SIL1: variants seen among roughly 807,000 people sequenced by gnomAD.
SIL1 encodes the protein SIL1 nucleotide exchange factor.
In SIL1, 40 loss-of-function variants were observed where a neutral mutation model predicts 49.1. The ratio of observed to expected loss-of-function variants is 0.81; its 90% CI spans 0.63 to 1.06. The LOEUF (loss-of-function observed/expected upper bound fraction) is 1.06. Among genes scored for constraint, SIL1 ranks in the 50% least tolerant of loss-of-function variants. The probability of loss-of-function intolerance (pLI) is 0.00; values close to 1 mark genes in which losing one functional copy is unlikely to be tolerated. For missense variants in SIL1, 500 were observed against 572.6 expected (o/e 0.87, Z 1.29); for synonymous variants, 253 against 250.8 (o/e 1.01, Z -0.08).
At chr5:139,173,790 CAAA>C (rs70982756) in intron 1 of SIL1, among the ~76,000 whole-genome samples, 5 of 106,364 alleles carry the variant, frequency 4.7e-5, no homozygotes, top group South Asian at 3.2e-4. Flanking sequence ...ACTAAAAATA[CAAA>C]AAAAAAAAAA....
At chr5:138,976,202 C>G (rs534225582) in intron 7 of SIL1, among the ~76,000 whole-genome samples, 1 of 152,286 alleles carries the variant, frequency 6.6e-6, no homozygotes, top group South Asian at 2.1e-4. Context: ...TCACGATGCC[C>G]ATACCTCTGC....
intron 3 of SIL1, among the ~76,000 whole-genome samples, chr5:139,102,774 G>A (rs1402841939): frequency 6.6e-6 from 1 of 151,142 alleles, no homozygotes; most frequent in Non-Finnish European, 1.5e-5. Flanking sequence ...GAGTGCAATG[G>A]TGCAATCTCA....
chr5:139,078,290 A>AT (rs1283307194), intron 3 of SIL1, among the ~76,000 whole-genome samples: 1 of 152,074 alleles, frequency 6.6e-6, no homozygotes, highest in Non-Finnish European at 1.5e-5. Flanking sequence ...CCAAAAAAAA[A>AT]TTTTTTAAGT....
intron 1 of SIL1, among the ~76,000 whole-genome samples, chr5:139,143,121 A>G (rs1269387832): frequency 6.6e-6 from 1 of 151,904 alleles, no homozygotes; most frequent in Non-Finnish European, 1.5e-5. Flanking sequence ...AGCCAGAGCA[A>G]TTAGGCAAGA....
rs141819993 is a variant in SIL1, at chr5:139,188,756, C to T, written c.-11+9513G>A. 4.4e-3 allele frequency among the ~76,000 whole-genome samples: 664 copies of T among 152,324 alleles called. 4 individuals carry two copies. Among genetic ancestry groups the T allele is most frequent in the Non-Finnish European group, 6.7e-3 (454 of 68,028 alleles). On this transcript the variant is annotated intron_variant, in intron 1 of 9. Transcript: ENST00000394817. ...TCATGTCTGGCTGAAGAGCAGAAAG[C>T]AAGAGATAAGGAGAACATACTATCT...
intron 7 of SIL1, among the ~76,000 whole-genome samples, chr5:139,015,938 G>A (rs765733633): frequency 1.3e-5 from 2 of 152,096 alleles, no homozygotes; most frequent in African/African-American, 2.4e-5. Flanking sequence ...TGAAAAAGGG[G>A]GAGGCCAGGC....
At chr5:139,164,826 G>A (rs187470145) in intron 1 of SIL1, among the ~76,000 whole-genome samples, 1 of 152,298 alleles carries the variant, frequency 6.6e-6, no homozygotes, top group East Asian at 1.9e-4. Flanking sequence ...AAGGTCTGGG[G>A]AGTCATGTCC....
chr5:139,063,135 C>A (rs1258733206), intron 3 of SIL1, among the ~76,000 whole-genome samples: 1 of 152,196 alleles, frequency 6.6e-6, no homozygotes, highest in Non-Finnish European at 1.5e-5. Flanking sequence ...ACATAATAAA[C>A]CCTGACCCAG....
At chr5:139,010,536 G>A (rs1386490279) in intron 7 of SIL1, among the ~76,000 whole-genome samples, 5 of 152,082 alleles carry the variant, frequency 3.3e-5, no homozygotes, top group Non-Finnish European at 4.4e-5. Flanking sequence ...GAGGAGAGGC[G>A]CTCTGATTTT....
chr5:139,110,289 G>A (rs1360558860), intron 3 of SIL1, among the ~76,000 whole-genome samples: 2 of 151,928 alleles, frequency 1.3e-5, no homozygotes, highest in Admixed American at 1.3e-4. Flanking sequence ...AGCAGGGGTC[G>A]TTTCTTTTTT....
chr5:139,185,755 ATGGGGATAT>A (rs1752067494), intron 1 of SIL1, among the ~76,000 whole-genome samples: 1 of 152,094 alleles, frequency 6.6e-6, no homozygotes, highest in South Asian at 2.1e-4. Context: ...TCTACTGGAG[ATGGGGATAT>A]CATTTGTGGC....
chr5:139,144,941 G>A (rs995580601), intron 1 of SIL1, among the ~76,000 whole-genome samples: 4 of 151,878 alleles, frequency 2.6e-5, no homozygotes, highest in Admixed American at 1.3e-4. Context: ...CCTTGGATTC[G>A]GCAATGATTT....
intron 3 of SIL1, among the ~76,000 whole-genome samples, chr5:139,083,952 G>A (rs1770151140): frequency 9.9e-6 from 1 of 101,044 alleles, no homozygotes; most frequent in East Asian, 2.9e-4. Context: ...TTTCCCCATT[G>A]CTTGTTTTTC....
chr5:139,071,398 A>T (rs1374204620), intron 3 of SIL1, among the ~76,000 whole-genome samples: 1 of 152,036 alleles, frequency 6.6e-6, no homozygotes, highest in Non-Finnish European at 1.5e-5. Flanking sequence ...TAGGAGGGAA[A>T]TATTACAGTT....
chr5:139,026,332 T>C (rs1581039984), intron 6 of SIL1, among the ~76,000 whole-genome samples: 1 of 152,164 alleles, frequency 6.6e-6, no homozygotes, highest in South Asian at 2.1e-4. Context: ...CCAGGCATGG[T>C]GGCTCAAGCC....
At chr5:139,115,147 G>T (rs75103950) in intron 3 of SIL1, among the ~76,000 whole-genome samples, 1 of 152,062 alleles carries the variant, frequency 6.6e-6, no homozygotes, top group Non-Finnish European at 1.5e-5. Context: ...GGGAGGGAGG[G>T]AGGGTCACCT....
At chr5:139,094,453 C>G (rs1269564389) in intron 3 of SIL1, among the ~76,000 whole-genome samples, 1 of 152,114 alleles carries the variant, frequency 6.6e-6, no homozygotes, top group South Asian at 2.1e-4. Context: ...TAAGTAAAAT[C>G]TATAGATTAA....
Position 138,997,956 on chromosome 5 carries a change from C to T in SIL1, c.767+23215G>A, listed in dbSNP as rs778070437. Among the ~76,000 whole-genome samples the T allele has an allele frequency of 1.4e-3, 207 of 152,268 alleles. 1 individual carries two copies. Among genetic ancestry groups the T allele is most frequent in the Non-Finnish European group, 2.6e-3 (176 of 68,018 alleles). ...GGCTATCTGGGGTCTTTTGTAGTTC[C>T]ATGTAAATTTTAGAATCGTCTCTTT... On this transcript the variant is annotated intron_variant, in intron 7 of 9. Coordinates refer to ENST00000394817, the MANE Select transcript of SIL1 (RefSeq NM_022464.5).
In SIL1 at chr5:138,947,300, CA is replaced by C; in HGVS notation, c.1202del (p.Leu401ArgfsTer5). ...CCCGGCAGGTGGTCAGGAGGACGCC[CA>C]GTGTCTGCAGCACCTTCTCACGGGC... is the stretch of plus-strand genomic sequence containing the variant. ...HDAREKVLQT[L>X]GVLLTTCRDR... On this transcript the variant is annotated frameshift_variant, in exon 10 of 10. Coordinates refer to ENST00000394817, the MANE Select transcript of SIL1 (RefSeq NM_022464.5). LOFTEE classifies it high-confidence loss of function. This position sits in a 1 kb window ranked among gnomAD's most constrained non-coding sequence, Gnocchi z 4.1. 6.2e-7 allele frequency: 1 copy of C among 1,613,536 alleles called. No individual in the cohort carries two copies. Among genetic ancestry groups the C allele is most frequent in the Non-Finnish European group, 8.5e-7 (1 of 1,180,022 alleles).
Sources: allele counts gnomAD v4.1 joint callset (sites outside exome capture counted in the v4.1 genomes callset), GRCh38; gene constraint gnomAD v4.1.1; non-coding constraint Gnocchi (gnomAD v3.1); transcripts MANE v1.5; gene names NCBI Gene and HGNC (gene_info 2026-07-23, HGNC 2026-07-21).